Variants in KLHL13 observed in about 807,000 individuals in gnomAD.
The protein encoded by KLHL13 is kelch like family member 13.
Under a neutral mutation model 37.1 loss-of-function variants are expected in KLHL13, and 10 were observed. That is an observed-to-expected ratio of 0.27 (90% CI 0.17 to 0.46). The LOEUF is 0.46. KLHL13 is among the 20% of genes least tolerant of loss of function. The pLI, the probability that KLHL13 is intolerant of heterozygous loss-of-function variation, is 1.00. For synonymous variants in KLHL13, 163 were observed against 181.2 expected (o/e 0.90, Z 0.81); for missense variants, 360 against 509.3 (o/e 0.71, Z 2.82).
chrX:117,951,320 A>G (rs1387311386), intron 1 of KLHL13, among the ~76,000 whole-genome samples: 1 of 112,371 alleles, frequency 8.9e-6, no homozygotes, highest in East Asian at 2.8e-4. Flanking sequence ...TGTCATTTAT[A>G]GTATCATTAC....
At position 118,039,035 on chromosome X, in the gene KLHL13, A is replaced by G. The variant is rs6646051; in HGVS notation, c.-56+77473T>C. Among the ~76,000 whole-genome samples the G allele has an allele frequency of 5.9e-3, 660 of 112,340 alleles. 5 individuals carry two copies. Among genetic ancestry groups the G allele is most frequent in the African/African-American group, 0.018 (568 of 30,907 alleles). ...GCCCTAGTTCCCAGATGACATTTCTACAGACACCCTGAGCAAAAAGGAAAC... is the reference window on the plus strand; with the variant it reads ...GCCCTAGTTCCCAGATGACATTTCTGCAGACACCCTGAGCAAAAAGGAAAC... On this transcript the variant is annotated intron_variant, in intron 1 of 6. Coordinates refer to the KLHL13 transcript ENST00000371882.
At position 118,071,967 on chromosome X, in the gene KLHL13, T is replaced by G. The variant is rs770517252; in HGVS notation, c.-56+44541A>C. The stretch of plus-strand genomic sequence containing the variant: ...CTACCAATGACTTTCTTCACAGAAT[T>G]GGAAAAAACTACTTTAAAGTTCATA... On this transcript the variant is annotated intron_variant, in intron 1 of 6. Coordinates refer to the KLHL13 transcript ENST00000371882. 4.6e-3 allele frequency among the ~76,000 whole-genome samples: 512 copies of G among 110,827 alleles called. 4 individuals carry two copies. Among genetic ancestry groups the G allele is most frequent in the Non-Finnish European group, 5.8e-3 (307 of 52,876 alleles).
chrX:117,944,767 A>T (rs932590377), intron 2 of KLHL13, among the ~76,000 whole-genome samples: 1 of 111,764 alleles, frequency 8.9e-6, no homozygotes, highest in African/African-American at 3.3e-5. Context: ...AATGTCCACA[A>T]AGGTCAGAAG....
intron 1 of KLHL13, chrX:117,983,605 A>G: frequency 1.3e-6 from 1 of 795,334 alleles, no homozygotes; most frequent in Non-Finnish European, 1.8e-6. Context: ...TTTAGTTCAA[A>G]TTTTTCAAAG....
intron 1 of KLHL13, among the ~76,000 whole-genome samples, chrX:118,018,207 C>T (rs1454384953): frequency 1.8e-5 from 2 of 111,006 alleles, no homozygotes; most frequent in Admixed American, 9.6e-5. Context: ...CACTGACCTC[C>T]GCTCACTCTT....
chrX:118,079,253 T>C (rs1019417781), intron 1 of KLHL13, among the ~76,000 whole-genome samples: 4 of 109,803 alleles, frequency 3.6e-5, no homozygotes, highest in Non-Finnish European at 1.9e-5. Context: ...TATCAGGACA[T>C]ACAATAAGGC....
At chrX:117,996,372 A>C (rs1479464910) in intron 1 of KLHL13, among the ~76,000 whole-genome samples, 3 of 111,831 alleles carry the variant, frequency 2.7e-5, no homozygotes, top group Non-Finnish European at 5.6e-5. Flanking sequence ...TCCCCTAATA[A>C]GATTTCCCTC....
At chrX:117,940,058 G>A (rs752539002) in intron 2 of KLHL13, among the ~76,000 whole-genome samples, 11 of 111,501 alleles carry the variant, frequency 9.9e-5, no homozygotes, top group Non-Finnish European at 1.9e-4. Flanking sequence ...TTTCTTCCAG[G>A]GTTTTTATGG....
intron 2 of KLHL13, among the ~76,000 whole-genome samples, chrX:117,930,234 AAGGAAGGG>A (rs1208660217): frequency 0.012 from 1,010 of 81,673 alleles, 13 homozygotes; most frequent in African/African-American, 0.045. Flanking sequence ...GGAAGGAAGG[AAGGAAGGG>A]AGGAAGGAAG....
intron 1 of KLHL13, among the ~76,000 whole-genome samples, chrX:118,113,862 T>C (rs1036837673): frequency 1.8e-5 from 2 of 112,659 alleles, no homozygotes; most frequent in Non-Finnish European, 3.7e-5. Flanking sequence ...ATAAGGTTTA[T>C]CATTGTGCCT....
chrX:118,051,824 A>G (rs781463678), intron 1 of KLHL13, among the ~76,000 whole-genome samples: 1 of 111,632 alleles, frequency 9.0e-6, no homozygotes, highest in South Asian at 3.8e-4. Flanking sequence ...TCATTGGGAG[A>G]ACTGAACACA....
At chrX:118,021,808 G>A (rs1298635476) in intron 1 of KLHL13, among the ~76,000 whole-genome samples, 1 of 111,483 alleles carries the variant, frequency 9.0e-6, no homozygotes, top group Non-Finnish European at 1.9e-5. Context: ...TTGAGGAATC[G>A]CCACACTGTC....
intron 2 of KLHL13, among the ~76,000 whole-genome samples, chrX:117,942,072 C>T (rs1241738807): frequency 1.8e-5 from 2 of 111,578 alleles, no homozygotes; most frequent in African/African-American, 6.5e-5. Context: ...TTTATTTCTG[C>T]CTTAATTTCG....
chrX:117,973,295 G>T, exon 1 of KLHL13: 1 of 966,522 alleles, frequency 1.0e-6, no homozygotes, highest in Non-Finnish European at 1.3e-6. Context: ...ATATGAAAAT[G>T]AAACAACAAC....
At chrX:118,065,827 G>A (rs557655898) in intron 1 of KLHL13, among the ~76,000 whole-genome samples, 8 of 111,711 alleles carry the variant, frequency 7.2e-5, no homozygotes, top group East Asian at 2.8e-4. Flanking sequence ...ACACAAATAC[G>A]GAAGAGTTAT....
At chrX:117,968,804 A>G (rs896275873) in intron 1 of KLHL13, among the ~76,000 whole-genome samples, 3 of 111,653 alleles carry the variant, frequency 2.7e-5, no homozygotes, top group Non-Finnish European at 1.9e-5. Flanking sequence ...GAAAAAAAAG[A>G]CAATCTTAGG....
At chrX:118,113,359 C>T (rs2055433501) in intron 1 of KLHL13, among the ~76,000 whole-genome samples, 2 of 111,937 alleles carry the variant, frequency 1.8e-5, no homozygotes, top group Non-Finnish European at 3.8e-5. Flanking sequence ...TGACCTTCCC[C>T]AGGAAAGACT....
chrX:118,019,123 G>C (rs900632322), intron 1 of KLHL13, among the ~76,000 whole-genome samples: 7 of 110,719 alleles, frequency 6.3e-5, no homozygotes, highest in South Asian at 3.9e-4. Context: ...ATTAACTATT[G>C]TCCTCATGCC....
intron 5 of KLHL13, 44 bp downstream of exon 6, chrX:117,909,257 T>C (rs777152642): frequency 1.9e-6 from 2 of 1,031,557 alleles, no homozygotes; most frequent in Non-Finnish European, 2.6e-6. Context: ...TAAGAATTTC[T>C]GAGTGAAGAA....
Sources: allele counts gnomAD v4.1 joint callset (sites outside exome capture counted in the v4.1 genomes callset), GRCh38; gene constraint gnomAD v4.1.1; transcripts MANE v1.5; gene names NCBI Gene and HGNC (gene_info 2026-07-23, HGNC 2026-07-21).